RICTOR: variants seen among roughly 807,000 people sequenced by gnomAD.
RICTOR encodes the protein rapamycin-insensitive companion of mTOR.
Under a neutral mutation model 214.9 loss-of-function variants are expected in RICTOR, and 49 were observed. The ratio of observed to expected loss-of-function variants is 0.23; its 90% CI spans 0.18 to 0.29. The LOEUF is 0.29. Among genes scored for constraint, RICTOR ranks in the 10% least tolerant of loss-of-function variants. The pLI is 1.00. For missense variants in RICTOR, 1,625 were observed against 2,047.0 expected, an observed-to-expected ratio of 0.79 and a Z score of 3.98; for synonymous variants, 717 against 711.3, an observed-to-expected ratio of 1.01 and a Z score of -0.13.
intron 2 of RICTOR, among the ~76,000 whole-genome samples, chr5:39,073,833 G>A (rs1036054173): frequency 2.0e-5 from 3 of 152,170 alleles, no homozygotes; most frequent in African/African-American, 7.2e-5. Flanking sequence ...CCAGAGGGTC[G>A]CCGGGTCTGC....
intron 7 of RICTOR, among the ~76,000 whole-genome samples, chr5:38,986,040 T>C (rs1242581293): frequency 6.6e-6 from 1 of 152,164 alleles, no homozygotes; most frequent in Non-Finnish European, 1.5e-5. Flanking sequence ...TTACTGTTTT[T>C]AACCCACATC....
intron 10 of RICTOR, among the ~76,000 whole-genome samples, chr5:38,974,250 A>G (rs1751022434): frequency 6.6e-6 from 1 of 151,816 alleles, no homozygotes; most frequent in African/African-American, 2.4e-5. Context: ...GGGCTTCACC[A>G]TGTTGGCCAG....
At position 38,955,650 on chromosome 5, in the gene RICTOR, T is replaced by A; in HGVS notation, c.2554A>T (p.Thr852Ser). The change falls in exon 26 of 38, where the codon ACT becomes TCT. Residue 852 changes from threonine (T) to serine (S), a missense_variant. Thr to Ser is a moderately conservative substitution (Grantham distance 58, BLOSUM62 1). Coordinates refer to ENST00000357387, the MANE Select transcript of RICTOR (RefSeq NM_152756.5). The part of the protein sequence containing the change: ...LIEEQLNEAL[T>S]TYRKPVDGDN... The stretch of plus-strand genomic sequence containing the variant: ...CCATCAACAGGCTTCCGGTAAGTAG[T>A]AAGTGCTTCATTGAGTTGTTCCTCA... 7 of 1,611,216 alleles carry A rather than the reference T, an allele frequency of 4.3e-6. No individual in the cohort carries two copies. Among genetic ancestry groups the A allele is most frequent in the Non-Finnish European group, 5.9e-6 (7 of 1,177,432 alleles).
At chr5:39,066,961 C>G (rs1758949225) in intron 2 of RICTOR, among the ~76,000 whole-genome samples, 3 of 152,192 alleles carry the variant, frequency 2.0e-5, no homozygotes, top group Admixed American at 2.0e-4. Flanking sequence ...TCCAAACTTT[C>G]CCTCATTTTC....
intron 2 of RICTOR, among the ~76,000 whole-genome samples, chr5:39,041,405 A>G (rs560991666): frequency 2.0e-5 from 3 of 152,304 alleles, no homozygotes; most frequent in African/African-American, 7.2e-5. Flanking sequence ...AAAAGTTAAC[A>G]TATCTTATAT....
intron 33 of RICTOR, 88 bp downstream of exon 33, chr5:38,946,380 A>G: frequency 1.2e-6 from 1 of 802,414 alleles, no homozygotes. Flanking sequence ...GTCTTCCTAA[A>G]TTTTTAGTGT....
In RICTOR at chr5:38,945,724, C is replaced by T; in HGVS notation, c.4400G>A (p.Gly1467Asp). Residue 1467 changes from glycine (G) to aspartate (D), a missense_variant and splice_region_variant, in exon 34 of 38, where the codon GGT becomes GAT. Coordinates refer to ENST00000357387, the MANE Select transcript of RICTOR (RefSeq NM_152756.5). ...GARAFAHDAG[G>D]LPSGTGGLVK... Reference sequence around the variant, plus strand: ...AAGACCTCCAGTTCCAGATGGAAGACCTGTGCATAAGTAAATATAAAACAT... The same window carrying T: ...AAGACCTCCAGTTCCAGATGGAAGATCTGTGCATAAGTAAATATAAAACAT... 1 of 1,497,142 alleles carries T rather than the reference C, an allele frequency of 6.7e-7. No homozygotes were observed. The highest frequency in any genetic ancestry group is 9.3e-7 in the Non-Finnish European group (1 of 1,074,578). 92.7% of individuals were successfully genotyped at this position (1,497,142 alleles called of 1,614,324 possible). A position where few individuals can be genotyped will look rare whatever the true frequency, so the allele number is the denominator to read the frequency against.
intron 33 of RICTOR, 81 bp downstream of exon 33, chr5:38,946,387 G>T: frequency 3.6e-6 from 3 of 839,728 alleles, no homozygotes; most frequent in Non-Finnish European, 5.9e-6. Context: ...TAAATTTTTA[G>T]TGTTATCCTA....
intron 3 of RICTOR, among the ~76,000 whole-genome samples, chr5:39,007,873 T>G (rs1754200658): frequency 1.3e-5 from 2 of 150,232 alleles, no homozygotes; most frequent in Admixed American, 6.6e-5. Context: ...TTTTAAATAT[T>G]ATTATATACT....
intron 9 of RICTOR, among the ~76,000 whole-genome samples, chr5:38,976,615 T>C (rs1164467924): frequency 6.6e-6 from 1 of 151,980 alleles, no homozygotes; most frequent in Non-Finnish European, 1.5e-5. Flanking sequence ...CTTAAAAAAG[T>C]TGGTGACATA....
intron 2 of RICTOR, among the ~76,000 whole-genome samples, chr5:39,037,240 G>C (rs1756787480): frequency 6.6e-6 from 1 of 152,030 alleles, no homozygotes; most frequent in Non-Finnish European, 1.5e-5. Context: ...CGAAATGAAG[G>C]CAGAAATAAA....
intron 29 of RICTOR, 129 bp downstream of exon 29, chr5:38,952,856 C>G: frequency 1.7e-6 from 1 of 585,790 alleles, no homozygotes; most frequent in Non-Finnish European, 3.1e-6. Context: ...AGTTAATAAT[C>G]TTGTATCATT....
chr5:38,958,395 C>T, intron 24 of RICTOR, 48 bp downstream of exon 24: 4 of 1,233,204 alleles, frequency 3.2e-6, no homozygotes, highest in Non-Finnish European at 4.8e-6. Context: ...TATACACTGC[C>T]AAAGAACACA....
chr5:38,971,228 A>T (rs1750753843), intron 11 of RICTOR: 2 of 152,346 alleles, frequency 1.3e-5, no homozygotes, highest in Admixed American at 6.5e-5. Context: ...GGGTTTCACC[A>T]TATTGAGGAG....
Position 38,964,866 on chromosome 5 carries a change from A to T in RICTOR, c.1326T>A (p.His442Gln). 1 of 1,607,266 alleles carries T rather than the reference A, an allele frequency of 6.2e-7. No homozygotes were observed. Among genetic ancestry groups the T allele is most frequent in the South Asian group, 1.1e-5 (1 of 90,572 alleles). Residue 442 changes from histidine (H) to glutamine (Q), a missense_variant, in exon 16 of 38, where the codon CAT becomes CAA. Physicochemically the swap from His to Gln is conservative, Grantham distance 24. Coordinates refer to ENST00000357387, the MANE Select transcript of RICTOR (RefSeq NM_152756.5). ...HMANTILPHS[H>Q]SHHLHCLPTL... ...TTGGCAAGCAGTGTAAATGATGGCTATGTGAATGAGGAAGAATTGTGTTTG... is the reference window on the plus strand; with the variant it reads ...TTGGCAAGCAGTGTAAATGATGGCTTTGTGAATGAGGAAGAATTGTGTTTG...
intron 3 of RICTOR, among the ~76,000 whole-genome samples, chr5:39,018,339 T>C (rs1755126355): frequency 1.3e-5 from 2 of 152,162 alleles, no homozygotes; most frequent in Non-Finnish European, 2.9e-5. Context: ...CTTATGGCTA[T>C]ATTTATGAAA....
chr5:39,007,177 A>G (rs1456777820), intron 3 of RICTOR, among the ~76,000 whole-genome samples: 1 of 152,210 alleles, frequency 6.6e-6, no homozygotes, highest in Non-Finnish European at 1.5e-5. Flanking sequence ...TAGGGCTACT[A>G]TAACATATGT....
chr5:38,944,422 T>C (rs751860732), intron 36 of RICTOR, 24 bp downstream of exon 36: 2 of 1,583,556 alleles, frequency 1.3e-6, no homozygotes, highest in Admixed American at 1.9e-5. Context: ...AAACAAATAA[T>C]ACTCATGCAC....
At chr5:39,007,270 GGTT>G (rs1754157582) in intron 3 of RICTOR, among the ~76,000 whole-genome samples, 1 of 152,046 alleles carries the variant, frequency 6.6e-6, no homozygotes, top group Non-Finnish European at 1.5e-5. Context: ...GTGTTGGCAG[GGTT>G]GTTGTTTTTT....
Sources: allele counts gnomAD v4.1 joint callset (sites outside exome capture counted in the v4.1 genomes callset), GRCh38; gene constraint gnomAD v4.1.1; transcripts MANE v1.5; gene names NCBI Gene and HGNC (gene_info 2026-07-23, HGNC 2026-07-21).